ARMH3: variants seen among roughly 807,000 people sequenced by gnomAD.
ARMH3 encodes armadillo-like helical domain-containing protein 3.
ARMH3 carries 60 observed loss-of-function variants against 99.1 expected under a neutral mutation model. The ratio of observed to expected loss-of-function variants is 0.61; its 90% CI spans 0.49 to 0.75. The LOEUF is 0.75. Ranked by LOEUF, ARMH3 falls within the 30% of genes least tolerant of loss-of-function variation. The pLI is 0.00. For missense variants in ARMH3, 679 were observed against 843.1 expected (o/e 0.81, Z 2.41); for synonymous variants, 285 against 292.8 (o/e 0.97, Z 0.27).
intron 20 of ARMH3, among the ~76,000 whole-genome samples, chr10:101,972,732 G>A (rs981151999): frequency 6.6e-6 from 1 of 152,192 alleles, no homozygotes; most frequent in Non-Finnish European, 1.5e-5. Flanking sequence ...CAGGGTTCCA[G>A]GAGGGCTCAC....
intron 23 of ARMH3, among the ~76,000 whole-genome samples, chr10:101,918,071 C>T (rs1843154705): frequency 6.6e-6 from 1 of 152,078 alleles, no homozygotes; most frequent in Non-Finnish European, 1.5e-5. Flanking sequence ...TTTTTTTAGA[C>T]AGAGTCTTGC....
At chr10:101,894,817 G>A (rs1181994450) in intron 23 of ARMH3, among the ~76,000 whole-genome samples, 1 of 148,484 alleles carries the variant, frequency 6.7e-6, no homozygotes, top group Admixed American at 6.8e-5. Flanking sequence ...AGGTTGCAGT[G>A]AGCCAGAATC....
intron 23 of ARMH3, among the ~76,000 whole-genome samples, chr10:101,926,695 T>C (rs1273919785): frequency 6.6e-6 from 1 of 152,230 alleles, no homozygotes; most frequent in Admixed American, 6.5e-5. Context: ...AAGTTATAAC[T>C]AGTAGCCAGT....
intron 11 of ARMH3, 85 bp downstream of exon 11, chr10:102,011,638 C>G: frequency 8.8e-7 from 1 of 1,140,060 alleles, no homozygotes; most frequent in African/African-American, 1.6e-5. Flanking sequence ...CTTCAAATAT[C>G]TGAACTTCGG....
intron 19 of ARMH3, among the ~76,000 whole-genome samples, chr10:101,975,746 C>T (rs1203273575): frequency 1.3e-5 from 2 of 151,906 alleles, no homozygotes; most frequent in African/African-American, 2.4e-5. Context: ...TACCTGTAGT[C>T]CCAGCTACTC....
At chr10:101,954,841 C>A (rs946728732) in intron 22 of ARMH3, among the ~76,000 whole-genome samples, 1 of 152,162 alleles carries the variant, frequency 6.6e-6, no homozygotes. Context: ...ACTCCCTTGG[C>A]AGATTTGGAC....
chr10:101,968,095 C>T (rs1564804143), intron 20 of ARMH3, among the ~76,000 whole-genome samples: 1 of 151,836 alleles, frequency 6.6e-6, no homozygotes, highest in Non-Finnish European at 1.5e-5. Flanking sequence ...CATTTTCTTG[C>T]AGACAATGCA....
At chr10:101,968,274 T>TC (rs1355511377) in intron 20 of ARMH3, among the ~76,000 whole-genome samples, 1 of 151,698 alleles carries the variant, frequency 6.6e-6, no homozygotes, top group Non-Finnish European at 1.5e-5. Flanking sequence ...CCTGCTCCTT[T>TC]CCCCCCACCG....
chr10:102,021,714 A>C (rs1174728347), intron 8 of ARMH3, among the ~76,000 whole-genome samples: 1 of 151,810 alleles, frequency 6.6e-6, no homozygotes, highest in Non-Finnish European at 1.5e-5. Context: ...CGCCCGGCTA[A>C]TTTTTGTATT....
chr10:101,937,034 C>T (rs34250080), intron 23 of ARMH3, among the ~76,000 whole-genome samples: 8,524 of 152,248 alleles, frequency 0.056, 352 homozygotes, highest in Non-Finnish European at 0.085. Flanking sequence ...AAGTAACTTG[C>T]TCAAGGTCAC....
intron 20 of ARMH3, among the ~76,000 whole-genome samples, chr10:101,971,480 T>G (rs1255941853): frequency 7.2e-5 from 11 of 151,796 alleles, no homozygotes; most frequent in Non-Finnish European, 1.5e-5. Flanking sequence ...GGAGCTGAGG[T>G]GGGAGGATTG....
intron 4 of ARMH3, among the ~76,000 whole-genome samples, chr10:102,032,327 T>C (rs1056517256): frequency 4.6e-5 from 7 of 152,188 alleles, no homozygotes; most frequent in Non-Finnish European, 8.8e-5. Flanking sequence ...GGAATAGTTG[T>C]TGAATGAATT....
rs555352812 is a variant in ARMH3 at position 102,036,024 on chromosome 10, G to T, written c.103-2685C>A. 1.9e-4 allele frequency among the ~76,000 whole-genome samples: 28 copies of T among 151,176 alleles called. No individual in the cohort carries two copies. The South Asian group carries it at 5.9e-3, about 32-fold the overall frequency. ...AGCACCTCTGCCCGGCCGCGACCCC[G>T]ACTGGGAGGTGGGGAGCGTCTCCGC... On this transcript the variant is annotated intron_variant, in intron 2 of 25. Transcript: ENST00000370033.
intron 24 of ARMH3, among the ~76,000 whole-genome samples, chr10:101,852,954 G>C (rs2066639808): frequency 6.6e-6 from 1 of 150,676 alleles, no homozygotes; most frequent in African/African-American, 2.4e-5. Flanking sequence ...CGCTATCTCA[G>C]CTCACTGCAG....
At chr10:101,940,761 T>C (rs1469156779) in intron 22 of ARMH3, among the ~76,000 whole-genome samples, 1 of 152,116 alleles carries the variant, frequency 6.6e-6, no homozygotes, top group African/African-American at 2.4e-5. Context: ...AAGAACGTTC[T>C]TCCCTTGTGT....
rs368500202 is a variant in ARMH3, at chr10:101,903,482, G to A, written c.1782-13992C>T. ...ACAAAGAGTAGACAAAAGGTATCAT[G>A]GAAGCACAGAGGAGGGGTGCTTAGC... On this transcript the variant is annotated intron_variant, in intron 23 of 25. Transcript: ENST00000370033. Among the ~76,000 whole-genome samples the A allele has an allele frequency of 1.5e-4, 23 of 152,302 alleles. No individual in the cohort carries two copies. The East Asian group carries it at 4.2e-3, about 28-fold the overall frequency.
chr10:101,865,434 G>A (rs2066979232), intron 24 of ARMH3, among the ~76,000 whole-genome samples: 1 of 151,992 alleles, frequency 6.6e-6, no homozygotes, highest in African/African-American at 2.4e-5. Context: ...ACGTAAAGAG[G>A]CAGTATTAAA....
intron 23 of ARMH3, among the ~76,000 whole-genome samples, chr10:101,901,566 C>A (rs544280223): frequency 6.6e-6 from 1 of 152,176 alleles, no homozygotes; most frequent in African/African-American, 2.4e-5. Context: ...CAGAGAGCTT[C>A]GCCCTTCTCG....
intron 2 of ARMH3, among the ~76,000 whole-genome samples, chr10:102,037,699 T>C (rs1185363175): frequency 1.3e-5 from 2 of 152,030 alleles, no homozygotes; most frequent in Non-Finnish European, 2.9e-5. Flanking sequence ...CAGCCTCCTA[T>C]AGTAGCTAGG....
Sources: allele counts gnomAD v4.1 joint callset (sites outside exome capture counted in the v4.1 genomes callset), GRCh38; gene constraint gnomAD v4.1.1; transcripts MANE v1.5; gene names NCBI Gene and HGNC (gene_info 2026-07-23, HGNC 2026-07-21).